SLC16A14: variants seen among roughly 807,000 people sequenced by gnomAD.
SLC16A14 encodes solute carrier family 16 member 14, also known as monocarboxylate transporter 14.
In SLC16A14, 14 loss-of-function variants were observed where a neutral mutation model predicts 35.8. The ratio of observed to expected loss-of-function variants is 0.39; its 90% CI spans 0.26 to 0.61. SLC16A14 has a LOEUF of 0.61. SLC16A14 is among the 20% of genes least tolerant of loss of function. SLC16A14 has a pLI of 0.51. For synonymous variants in SLC16A14, 248 were observed against 258.9 expected, an observed-to-expected ratio of 0.96 and a Z score of 0.40; for missense variants, 533 against 655.0, an observed-to-expected ratio of 0.81 and a Z score of 2.03.
intron 1 of SLC16A14, among the ~76,000 whole-genome samples, chr2:230,063,090 C>G: frequency 6.6e-6 from 1 of 151,990 alleles, no homozygotes; most frequent in East Asian, 1.9e-4. Flanking sequence ...GAGCTCGAGA[C>G]CAGCCTGGCC....
At chr2:230,049,372 C>T (rs145958453) in intron 3 of SLC16A14, among the ~76,000 whole-genome samples, 2 of 152,060 alleles carry the variant, frequency 1.3e-5, no homozygotes, top group African/African-American at 4.8e-5. Flanking sequence ...GAGCTACTGC[C>T]CCTGGCCTAT....
chr2:230,045,994 A>G lies in SLC16A14; in HGVS notation c.1132T>C (p.Cys378Arg). The G allele has an allele frequency of 6.2e-7, 1 of 1,613,886 alleles. No homozygotes were observed. The highest frequency in any genetic ancestry group is 8.5e-7 in the Non-Finnish European group (1 of 1,179,718). ...AGGAAGACATTCCAAACACTAATGC[A>G]AGGCAAGTCGGCTATGACGCCCAGG... ...VILGVIADLP[C>R]ISVWNVFLLA... Residue 378 changes from cysteine to arginine, a missense_variant, in exon 4 of 5, where the codon TGC becomes CGC. Transcript: ENST00000295190.
chr2:230,063,269 TTA>T (rs2077765347), intron 1 of SLC16A14, among the ~76,000 whole-genome samples: 2 of 132,760 alleles, frequency 1.5e-5, no homozygotes, highest in Admixed American at 1.7e-4. Context: ...CCAGCCTGGG[TTA>T]AAGAGCGAAA....
chr2:230,066,838 G>C (rs1369263599), intron 1 of SLC16A14: 1 of 270,558 alleles, frequency 3.7e-6, no homozygotes, highest in East Asian at 1.5e-4. Flanking sequence ...TGTTAGCCAG[G>C]CTGGTCTCGA....
chr2:230,049,134 A>G (rs1315004923), intron 3 of SLC16A14, among the ~76,000 whole-genome samples: 1 of 150,502 alleles, frequency 6.6e-6, no homozygotes, highest in African/African-American at 2.4e-5. Flanking sequence ...CAGTGGTGCA[A>G]TCTTGGCTCA....
intron 2 of SLC16A14, among the ~76,000 whole-genome samples, chr2:230,052,430 C>T (rs1473829032): frequency 6.6e-6 from 1 of 152,068 alleles, no homozygotes; most frequent in Non-Finnish European, 1.5e-5. Context: ...GGTTACTTGA[C>T]TATGCCTAGC....
Position 230,035,448 on chromosome 2 carries a change from A to C in SLC16A14, c.*1932T>G, listed in dbSNP as rs892073925. 5.2e-5 allele frequency: 8 copies of C among 152,678 alleles called. No individual in the cohort carries two copies. The highest frequency in any genetic ancestry group is 1.7e-4 in the African/African-American group (7 of 41,472). 9.5% of individuals were successfully genotyped at this position (152,678 alleles called of 1,614,324 possible). ...GTTAGTTTGATGTTGTCGGAAAATGAAAGTAATGAAGCAATGTAGTTTTTA... is the reference window on the plus strand; with the variant it reads ...GTTAGTTTGATGTTGTCGGAAAATGCAAGTAATGAAGCAATGTAGTTTTTA... On this transcript the variant is annotated 3_prime_UTR_variant, in exon 5 of 5. Transcript: ENST00000295190.
At chr2:230,066,838 G>A in intron 1 of SLC16A14, 3 of 270,558 alleles carry the variant, frequency 1.1e-5, no homozygotes, top group Non-Finnish European at 2.2e-5. Flanking sequence ...TGTTAGCCAG[G>A]CTGGTCTCGA....
chr2:230,064,288 C>CTGTGTGTGTGTGTGTGTGTGTGTGTGTG (rs370970241), intron 1 of SLC16A14, among the ~76,000 whole-genome samples: 1 of 149,582 alleles, frequency 6.7e-6, no homozygotes, highest in African/African-American at 2.5e-5. Flanking sequence ...TCAGCCTTGT[C>CTGTGTGTGTGTGTGTGTGTGTGTGTGTG]TGTGTGTGTG....
chr2:230,036,743 T>G lies in SLC16A14; in HGVS notation c.*637A>C, dbSNP rs1433980649. The G allele has an allele frequency of 6.6e-6, 1 of 152,244 alleles. No homozygotes were observed. The highest frequency in any genetic ancestry group is 1.5e-5 in the Non-Finnish European group (1 of 68,042). The allele number at this position is 152,244 out of a possible 1,614,324, so 9.4% of individuals were successfully genotyped here. A position where few individuals can be genotyped will look rare whatever the true frequency, so the allele number is the denominator to read the frequency against. On this transcript the variant is annotated 3_prime_UTR_variant, in exon 5 of 5. Coordinates refer to ENST00000295190, the MANE Select transcript of SLC16A14 (RefSeq NM_152527.5). Reference sequence around the variant, plus strand: ...ATAACTGGATAGCACTGAATTAGGATTAATGGCAAGTGCCTTCTTTTAGAG... The same window carrying G: ...ATAACTGGATAGCACTGAATTAGGAGTAATGGCAAGTGCCTTCTTTTAGAG...
At chr2:230,045,706 T>C (rs764572389) in intron 4 of SLC16A14, 39 bp downstream of exon 4, 1 of 1,612,538 alleles carries the variant, frequency 6.2e-7, no homozygotes. Context: ...GCACCATATG[T>C]ACATGCACTC....
intron 1 of SLC16A14, among the ~76,000 whole-genome samples, chr2:230,067,567 TCTCTCA>T (rs1390408283): frequency 9.1e-4 from 101 of 110,650 alleles, no homozygotes; most frequent in African/African-American, 3.2e-3. Flanking sequence ...TCTCTCTCTC[TCTCTCA>T]CACACACACA....
At chr2:230,044,740 G>GTGTGTGTGTGTGTA (rs1553818067) in intron 4 of SLC16A14, among the ~76,000 whole-genome samples, 77 of 143,430 alleles carry the variant, frequency 5.4e-4, no homozygotes, top group African/African-American at 1.9e-3. Flanking sequence ...GTGTGTGTAT[G>GTGTGTGTGTGTGTA]TGTGTGTGTG....
chr2:230,059,311 A>C lies in SLC16A14; in HGVS notation c.42T>G (p.Asp14Glu), dbSNP rs768240394. 6 of 1,610,572 alleles carry C rather than the reference A, an allele frequency of 3.7e-6. No homozygotes were observed. Among genetic ancestry groups the C allele is most frequent in the African/African-American group, 1.3e-5 (1 of 74,876 alleles). Residue 14 changes from aspartate to glutamate, a missense_variant, in exon 2 of 5, where the codon GAT becomes GAG. Asp to Glu is a conservative substitution (Grantham distance 45, BLOSUM62 2). Transcript: ENST00000295190. ...TCAGTGTCTTTTTGTCTTTGGGGCC[A>C]TCTTCAAAATCATACCCAATATCTT... ...SHEDIGYDFEDGPKDKKTLKP... is the reference protein window; with the variant it reads ...SHEDIGYDFEEGPKDKKTLKP...
intron 1 of SLC16A14, among the ~76,000 whole-genome samples, chr2:230,065,512 C>T (rs1262692759): frequency 6.6e-6 from 1 of 152,186 alleles, no homozygotes; most frequent in Non-Finnish European, 1.5e-5. Context: ...GCCTTGGCCT[C>T]TCAAAGTGCT....
intron 4 of SLC16A14, among the ~76,000 whole-genome samples, chr2:230,041,115 T>C (rs1250987465): frequency 6.6e-6 from 1 of 152,172 alleles, no homozygotes; most frequent in East Asian, 1.9e-4. Flanking sequence ...TTCTTTTCAT[T>C]TGAGTCTGTC....
chr2:230,053,695 C>T (rs1345886336), intron 2 of SLC16A14, among the ~76,000 whole-genome samples: 1 of 152,100 alleles, frequency 6.6e-6, no homozygotes, highest in Admixed American at 6.6e-5. Context: ...GCAGGAGAAT[C>T]GCTTGAACCT....
At chr2:230,060,687 G>T (rs60573582) in intron 1 of SLC16A14, among the ~76,000 whole-genome samples, 71,196 of 150,442 alleles carry the variant, frequency 0.47, 17,379 homozygotes, top group African/African-American at 0.58. Context: ...GGTTTTTTTT[G>T]GGGGGAGGGG....
chr2:230,047,148 G>A (rs1577388531), intron 3 of SLC16A14, among the ~76,000 whole-genome samples: 4 of 152,228 alleles, frequency 2.6e-5, no homozygotes, highest in Admixed American at 2.6e-4. Context: ...AGCCTCCCTT[G>A]ATTGCACTAT....
Sources: allele counts gnomAD v4.1 joint callset (sites outside exome capture counted in the v4.1 genomes callset), GRCh38; gene constraint gnomAD v4.1.1; transcripts MANE v1.5; gene names NCBI Gene and HGNC (gene_info 2026-07-23, HGNC 2026-07-21).